PARP4: variants seen among roughly 807,000 people sequenced by gnomAD.
PARP4 encodes protein mono-ADP-ribosyltransferase PARP4.
A neutral mutation model predicts 187.7 loss-of-function variants in PARP4; 120 were observed. That is an observed-to-expected ratio of 0.64 (90% CI 0.55 to 0.74). The LOEUF is 0.74. Among genes scored for constraint, PARP4 ranks in the 30% least tolerant of loss-of-function variants. The probability of loss-of-function intolerance (pLI) is 0.00; values close to 1 mark genes in which losing one functional copy is unlikely to be tolerated. For missense variants in PARP4, 1,836 were observed against 2,070.5 expected, an observed-to-expected ratio of 0.89 and a Z score of 2.20; for synonymous variants, 654 against 740.9, an observed-to-expected ratio of 0.88 and a Z score of 1.90.
chr13:24,449,946 C>T (rs990131611), intron 24 of PARP4, 129 bp from the exon 25 acceptor site: 13 of 522,918 alleles, frequency 2.5e-5, no homozygotes, highest in Non-Finnish European at 3.9e-5. Flanking sequence ...ACTCGTGTGT[C>T]GCTGAGGTTA....
chr13:24,506,097 A>C (rs1869642471), intron 1 of PARP4, among the ~76,000 whole-genome samples: 1 of 152,060 alleles, frequency 6.6e-6, no homozygotes, highest in African/African-American at 2.4e-5. Context: ...AGCTGCCTGG[A>C]CCCTCGTGGT....
Position 24,434,476 on chromosome 13 carries a change from T to C in PARP4, c.4665A>G (p.Val1555=). Residue 1555 remains valine (V), a synonymous_variant, in exon 31 of 34, where the codon GTA becomes GTG. Transcript: ENST00000381989. ...TGCACACTATTTCATCCTCTTCTTT[T>C]ACTTCCAGAAAGCACAGGATACTGT... ...KDDSILCFLE[V]KEEDEIVCIQ... is the part of the protein sequence containing the mutation. 1 of 1,613,098 alleles carries C rather than the reference T, an allele frequency of 6.2e-7. No homozygotes were observed. Among genetic ancestry groups the C allele is most frequent in the Non-Finnish European group, 8.5e-7 (1 of 1,179,264 alleles).
intron 20 of PARP4, among the ~76,000 whole-genome samples, chr13:24,457,770 C>CAAAAAAAAAAA (rs33930012): frequency 2.5e-4 from 21 of 85,660 alleles, no homozygotes; most frequent in African/African-American, 5.5e-4. Flanking sequence ...GACTCTGTCT[C>CAAAAAAAAAAA]AAAAAAAAAA....
At position 24,501,780 on chromosome 13, in the gene PARP4, A is replaced by G; in HGVS notation, c.187T>C (p.Ser63Pro). The change falls in exon 3 of 34, where the codon TCT (serine) becomes CCT (proline). Residue 63 changes from serine (S) to proline (P), a missense_variant. Coordinates refer to ENST00000381989, the MANE Select transcript of PARP4 (RefSeq NM_006437.4). ...ADVLSQYQLN[S>P]IQKNHVHIAN... ...ATATGAACGTGGTTCTTTTGGATAG[A>G]ATTCAGTTGGTACTGACTCAGAACA... The G allele has an allele frequency of 6.2e-7, 1 of 1,613,102 alleles. No individual in the cohort carries two copies. Among genetic ancestry groups the G allele is most frequent in the Non-Finnish European group, 8.5e-7 (1 of 1,179,060 alleles).
chr13:24,499,717 C>A (rs1869169470), intron 4 of PARP4, among the ~76,000 whole-genome samples: 1 of 152,210 alleles, frequency 6.6e-6, no homozygotes, highest in African/African-American at 2.4e-5. Context: ...TTGGATCTGA[C>A]TCTTAGAAGC....
chr13:24,500,405 C>A (rs1271277765), intron 3 of PARP4, 23 bp from the exon 4 acceptor site: 1 of 1,510,362 alleles, frequency 6.6e-7, no homozygotes, highest in East Asian at 2.3e-5. Flanking sequence ...GCAAACAGCA[C>A]ACTTGTTTAC....
intron 1 of PARP4, among the ~76,000 whole-genome samples, chr13:24,506,532 T>C (rs899752463): frequency 3.9e-5 from 6 of 152,188 alleles, no homozygotes; most frequent in Admixed American, 3.9e-4. Context: ...GATTGGTGTT[T>C]ACAATCCCTG....
rs772140146 is a variant in PARP4 at position 24,455,011 on chromosome 13, A to C, written c.2758+6T>G. Reference sequence around the variant, plus strand: ...ACACGCAGGACCAGGGCCAAAGCGCACTCACCTGTGCCGAACTGGATAATA... The same window carrying C: ...ACACGCAGGACCAGGGCCAAAGCGCCCTCACCTGTGCCGAACTGGATAATA... On this transcript the variant is annotated splice_donor_region_variant and intron_variant, in intron 22 of 33. Coordinates refer to ENST00000381989, the MANE Select transcript of PARP4 (RefSeq NM_006437.4). 8 of 1,575,292 alleles carry C rather than the reference A, an allele frequency of 5.1e-6. No homozygotes were observed. The highest frequency in any genetic ancestry group is 1.7e-4 in the Middle Eastern group (1 of 5,870).
chr13:24,426,349 C>T (rs1415255048), intron 33 of PARP4, 117 bp downstream of exon 33: 1 of 762,970 alleles, frequency 1.3e-6, no homozygotes, highest in African/African-American at 2.1e-5. Context: ...AACAAATTCT[C>T]TTGCTACATA....
At chr13:24,458,301 A>G (rs1871996138) in intron 20 of PARP4, among the ~76,000 whole-genome samples, 1 of 151,878 alleles carries the variant, frequency 6.6e-6, no homozygotes, top group Admixed American at 6.6e-5. Context: ...AGTGGAGACG[A>G]GGTTTCACCA....
rs1873551187 is a variant in PARP4, at chr13:24,486,280, T to A, written c.1240A>T (p.Ile414Leu). The A allele has an allele frequency of 6.2e-7, 1 of 1,605,702 alleles. No homozygotes were observed. The highest frequency in any genetic ancestry group is 8.5e-7 in the Non-Finnish European group (1 of 1,172,602). ...TCATTCACTCTGCCAACTCTAAATA[T>A]CTGCAAGACATCCACTGGGCTCTTA... The part of the protein sequence containing the change: ...HSKSPVDVLQ[I>L]FRVGRVNETT... The change falls in exon 11 of 34, where the codon ATA becomes TTA. Residue 414 changes from isoleucine (I) to leucine (L), a missense_variant. Around this residue, in one of 8 missense-constraint regions of PARP4, gnomAD observed 1,147 missense variants for 1,214.2 expected, o/e 0.94. Transcript: ENST00000381989.
intron 11 of PARP4, 142 bp downstream of exon 11, chr13:24,486,026 T>C (rs906686523): frequency 4.3e-5 from 29 of 673,060 alleles, no homozygotes; most frequent in Non-Finnish European, 7.0e-5. Context: ...ATAAAGTGTG[T>C]AATTTTCTCC....
intron 17 of PARP4, among the ~76,000 whole-genome samples, chr13:24,462,607 T>C (rs997868412): frequency 6.6e-6 from 1 of 152,150 alleles, no homozygotes; most frequent in African/African-American, 2.4e-5. Flanking sequence ...GAGATGACCA[T>C]GACACTGCAA....
intron 20 of PARP4, among the ~76,000 whole-genome samples, chr13:24,456,697 G>C (rs1871874759): frequency 6.6e-6 from 1 of 152,128 alleles, no homozygotes; most frequent in South Asian, 2.1e-4. Context: ...GGTGGAGTTT[G>C]AGGCCAGCCT....
chr13:24,441,767 C>A, intron 30 of PARP4, 79 bp downstream of exon 30: 1 of 1,307,004 alleles, frequency 7.7e-7, no homozygotes, highest in Non-Finnish European at 1.1e-6. Flanking sequence ...AAGAAGGGAG[C>A]TATTTTAGCA....
In PARP4 at chr13:24,484,742, C is replaced by A. The variant is rs199720185; in HGVS notation, c.1359G>T (p.Leu453Phe). 6.3e-5 allele frequency: 99 copies of A among 1,583,836 alleles called. No homozygotes were observed. In the African/African-American group the frequency reaches 1.0e-3, roughly 17 times the overall value. The change falls in exon 12 of 34, where the codon TTG becomes TTT. Residue 453 changes from leucine (L) to phenylalanine (F), a missense_variant. Leu to Phe is a conservative substitution (Grantham distance 22). Around this residue, in one of 8 missense-constraint regions of PARP4, gnomAD observed 1,147 missense variants for 1,214.2 expected, o/e 0.94. Transcript: ENST00000381989. The part of the protein sequence containing the change: ...QNIVGILCRG[L>F]LLPKVVEDRG... ...GATCTTCCACTACTTTGGGTAAAAGCAACCCTCTGAAAAGAGAAGGGCAGG... is the reference window on the plus strand; with the variant it reads ...GATCTTCCACTACTTTGGGTAAAAGAAACCCTCTGAAAAGAGAAGGGCAGG...
At chr13:24,436,880 T>C (rs1352235318) in intron 30 of PARP4, among the ~76,000 whole-genome samples, 3 of 152,208 alleles carry the variant, frequency 2.0e-5, no homozygotes, top group South Asian at 2.1e-4. Flanking sequence ...TTCAAGTTTA[T>C]ACCTGAATAA....
At chr13:24,463,450 G>A (rs945028216) in intron 17 of PARP4, among the ~76,000 whole-genome samples, 1 of 151,918 alleles carries the variant, frequency 6.6e-6, no homozygotes, top group Non-Finnish European at 1.5e-5. Flanking sequence ...CACCAGAAAC[G>A]GTAAAAATGT....
intron 33 of PARP4, among the ~76,000 whole-genome samples, chr13:24,424,838 A>ATT (rs377486554): frequency 1.4e-5 from 2 of 146,128 alleles, no homozygotes; most frequent in Non-Finnish European, 1.5e-5. Flanking sequence ...CACCTGGCGA[A>ATT]TTTTTTTTTT....
Sources: gnomAD v4.1 joint callset for allele counts (sites outside exome capture counted in the v4.1 genomes callset) on GRCh38, gnomAD v4.1.1 for gene constraint, gnomAD v4.1.1 regional missense constraint, MANE v1.5 for transcripts, NCBI Gene and HGNC (gene_info 2026-07-23, HGNC 2026-07-21) for gene names.